RUNX2: variants seen among roughly 807,000 people sequenced by gnomAD.
RUNX2 encodes runt-related transcription factor 2.
A neutral mutation model predicts 51.7 loss-of-function variants in RUNX2; 10 were observed. The observed-to-expected ratio is 0.19, with a 90% CI of 0.12 to 0.33. RUNX2 has a LOEUF of 0.33. RUNX2 is among the 10% of genes least tolerant of loss of function. The pLI, the probability that RUNX2 is intolerant of heterozygous loss-of-function variation, is 1.00. For synonymous variants in RUNX2, 276 were observed against 273.6 expected (o/e 1.01, Z -0.09); for missense variants, 562 against 691.3 (o/e 0.81, Z 2.10).
At chr6:45,536,608 G>A (rs116284114) in intron 7 of RUNX2, among the ~76,000 whole-genome samples, 2,754 of 152,272 alleles carry the variant, frequency 0.018, 101 homozygotes, top group African/African-American at 0.063. Flanking sequence ...CAGGTTTTGT[G>A]TGATTCGGCC....
At chr6:45,497,951 A>C (rs1800694399) in intron 6 of RUNX2, among the ~76,000 whole-genome samples, 1 of 152,156 alleles carries the variant, frequency 6.6e-6, no homozygotes, top group African/African-American at 2.4e-5. Flanking sequence ...AATGCTTGTC[A>C]TGTGTCAGGC....
intron 2 of RUNX2, among the ~76,000 whole-genome samples, chr6:45,407,202 C>T (rs971695997): frequency 4.6e-5 from 7 of 151,880 alleles, no homozygotes; most frequent in African/African-American, 1.7e-4. Flanking sequence ...CTCCCGGGCT[C>T]AAGCGATCCT....
At chr6:45,491,622 GTTTT>G (rs34040641) in intron 5 of RUNX2, among the ~76,000 whole-genome samples, 2 of 93,510 alleles carry the variant, frequency 2.1e-5, no homozygotes, top group Admixed American at 1.3e-4. Flanking sequence ...TCTCCTGTTT[GTTTT>G]TTTTTTTTTT....
At chr6:45,428,153 C>T (rs965476161) in intron 3 of RUNX2, among the ~76,000 whole-genome samples, 1 of 152,118 alleles carries the variant, frequency 6.6e-6, no homozygotes, top group Non-Finnish European at 1.5e-5. Context: ...GTGCTTATTC[C>T]TAACTAGTTA....
At chr6:45,544,690 C>T (rs529993884) in intron 7 of RUNX2, among the ~76,000 whole-genome samples, 4 of 152,246 alleles carry the variant, frequency 2.6e-5, no homozygotes, top group South Asian at 4.1e-4. Flanking sequence ...ACAGAAGTGC[C>T]CTGCCCATCG....
chr6:45,417,527 T>C (rs1251058460), intron 2 of RUNX2, among the ~76,000 whole-genome samples: 3 of 152,248 alleles, frequency 2.0e-5, no homozygotes, highest in Admixed American at 1.3e-4. Context: ...AGAGAACTAA[T>C]CTGAACCACA....
chr6:45,439,938 G>A (rs936908269), intron 5 of RUNX2, among the ~76,000 whole-genome samples: 1 of 152,224 alleles, frequency 6.6e-6, no homozygotes, highest in Non-Finnish European at 1.5e-5. Context: ...GAATTGCCTT[G>A]TAAAGGCAGA....
chr6:45,390,608 C>T (rs1797450396), intron 2 of RUNX2, among the ~76,000 whole-genome samples: 1 of 151,930 alleles, frequency 6.6e-6, no homozygotes, highest in Non-Finnish European at 1.5e-5. Context: ...ACATATTGAA[C>T]AGATCACTCA....
intron 5 of RUNX2, among the ~76,000 whole-genome samples, chr6:45,472,884 A>T (rs1436175152): frequency 6.6e-6 from 1 of 152,174 alleles, no homozygotes; most frequent in African/African-American, 2.4e-5. Context: ...TGGGCCAAGT[A>T]TGTTGGCAAA....
At chr6:45,464,647 T>C (rs1041486798) in intron 5 of RUNX2, among the ~76,000 whole-genome samples, 2 of 152,212 alleles carry the variant, frequency 1.3e-5, no homozygotes, top group Non-Finnish European at 1.5e-5. Context: ...ACTCACTTTC[T>C]TACAGAAAAC....
intron 2 of RUNX2, chr6:45,421,388 A>C (rs1798182970): frequency 6.6e-6 from 1 of 150,466 alleles, no homozygotes; most frequent in Non-Finnish European, 1.5e-5. Flanking sequence ...TTTTGACTAG[A>C]TCTCCCTCCA....
chr6:45,417,741 C>A (rs151121658), intron 2 of RUNX2, among the ~76,000 whole-genome samples: 9 of 152,182 alleles, frequency 5.9e-5, no homozygotes, highest in Non-Finnish European at 1.2e-4. Flanking sequence ...ATAGATAATA[C>A]ACAAATGACT....
chr6:45,372,143 C>A, intron 2 of RUNX2: 1 of 478,494 alleles, frequency 2.1e-6, no homozygotes, highest in Non-Finnish European at 2.7e-6. Context: ...CAGTAAAGAG[C>A]TAGGCTCTGG....
intron 2 of RUNX2, among the ~76,000 whole-genome samples, chr6:45,405,936 A>C (rs1387237605): frequency 6.6e-6 from 1 of 152,200 alleles, no homozygotes; most frequent in African/African-American, 2.4e-5. Flanking sequence ...CACTTTCTTC[A>C]TCTGAAAATA....
intron 2 of RUNX2, chr6:45,420,973 T>G (rs1798170870): frequency 6.6e-6 from 1 of 152,228 alleles, no homozygotes. Context: ...TGCCGCTTTT[T>G]TTCCGCGCTC....
At chr6:45,496,003 C>T (rs1228571459) in intron 6 of RUNX2, among the ~76,000 whole-genome samples, 1 of 152,114 alleles carries the variant, frequency 6.6e-6, no homozygotes, top group South Asian at 2.1e-4. Context: ...CAGGGCCTCC[C>T]CACAGCTTCC....
At chr6:45,523,153 C>T (rs1303662852) in intron 7 of RUNX2, among the ~76,000 whole-genome samples, 1 of 152,162 alleles carries the variant, frequency 6.6e-6, no homozygotes, top group Non-Finnish European at 1.5e-5. Context: ...GGATCACTGA[C>T]ATCCCTATGT....
chr6:45,519,041 G>A (rs962428318), intron 7 of RUNX2, among the ~76,000 whole-genome samples: 3 of 152,098 alleles, frequency 2.0e-5, no homozygotes, highest in Admixed American at 6.6e-5. Context: ...AGAAATCGCT[G>A]AATCATATAT....
intron 5 of RUNX2, among the ~76,000 whole-genome samples, chr6:45,449,846 T>G (rs1302810320): frequency 6.6e-6 from 1 of 152,150 alleles, no homozygotes; most frequent in African/African-American, 2.4e-5. Context: ...GTGAAATGAA[T>G]TTAGTACTTA....
Sources: allele counts gnomAD v4.1 joint callset (sites outside exome capture counted in the v4.1 genomes callset), GRCh38; gene constraint gnomAD v4.1.1; transcripts MANE v1.5; gene names NCBI Gene and HGNC (gene_info 2026-07-23, HGNC 2026-07-21).